NIPSNAP3B: variants seen among roughly 807,000 people sequenced by gnomAD.
NIPSNAP3B encodes the protein nipsnap homolog 3B.
In NIPSNAP3B, 30 loss-of-function variants were observed where a neutral mutation model predicts 31.5. The observed-to-expected ratio is 0.95, with a 90% CI of 0.71 to 1.29. NIPSNAP3B has a LOEUF of 1.29. Among genes scored for constraint, NIPSNAP3B ranks in the 50% most tolerant of loss-of-function variants. NIPSNAP3B has a pLI of 0.00. For missense variants in NIPSNAP3B, 269 were observed against 300.7 expected, an observed-to-expected ratio of 0.89 and a Z score of 0.78; for synonymous variants, 106 against 107.9, an observed-to-expected ratio of 0.98 and a Z score of 0.11.
rs114955285 is a variant in NIPSNAP3B at position 104,771,152 on chromosome 9, T to C, written c.580+154T>C. The C allele has an allele frequency of 2.6e-3, 1,571 of 610,378 alleles. 16 individuals are homozygous for C. In the African/African-American group the frequency reaches 0.026, roughly 10 times the overall value. The allele number at this position is 610,378 out of a possible 1,614,324, so 37.8% of individuals were successfully genotyped here. A position where few individuals can be genotyped will look rare whatever the true frequency, so the allele number is the denominator to read the frequency against. On this transcript the variant is annotated intron_variant, in intron 4 of 5. Coordinates refer to ENST00000374762, the MANE Select transcript of NIPSNAP3B (RefSeq NM_018376.4). ...AAATCTATAAGCATCTTATTTTACA[T>C]CTTATTTTTTTAGAATGTTAATACT...
At chr9:104,788,313 C>G in the NIPSNAP3B span, 1 of 1,435,926 alleles carries the variant, frequency 7.0e-7, no homozygotes, top group Non-Finnish European at 9.7e-7. Context: ...GCATTTTGTG[C>G]TGCTGCATTC....
chr9:104,772,075 C>CT (rs1828233351), intron 4 of NIPSNAP3B, among the ~76,000 whole-genome samples: 1 of 151,804 alleles, frequency 6.6e-6, no homozygotes, highest in African/African-American at 2.4e-5. Flanking sequence ...TAATGGGATT[C>CT]TTTTTTTCTC....
the NIPSNAP3B span, chr9:104,787,834 A>G: frequency 6.2e-7 from 1 of 1,613,380 alleles, no homozygotes; most frequent in South Asian, 1.1e-5. Context: ...CCAATCATAC[A>G]ACAGCCCTGG....
In NIPSNAP3B at chr9:104,764,139, T is replaced by C. The variant is rs1828034729; in HGVS notation, c.-102T>C. The C allele has an allele frequency of 8.9e-7, 1 of 1,121,634 alleles. No homozygotes were observed. The highest frequency in any genetic ancestry group is 2.8e-5 in the East Asian group (1 of 36,252). The allele number at this position is 1,121,634 out of a possible 1,614,324, so 69.5% of individuals were successfully genotyped here. A position where few individuals can be genotyped will look rare whatever the true frequency, so the allele number is the denominator to read the frequency against. On this transcript the variant is annotated 5_prime_UTR_variant, in exon 1 of 6. Coordinates refer to ENST00000374762, the MANE Select transcript of NIPSNAP3B (RefSeq NM_018376.4). Reference sequence around the variant, plus strand: ...CCGCCGAGTCCCGCCCCTGCCTGAGTTCGCCAGTGGTCCAGGAGCCGCTTT... The same window carrying C: ...CCGCCGAGTCCCGCCCCTGCCTGAGCTCGCCAGTGGTCCAGGAGCCGCTTT...
chr9:104,770,299 G>A lies in NIPSNAP3B; in HGVS notation c.431-550G>A, dbSNP rs952782441. On this transcript the variant is annotated intron_variant, in intron 3 of 5. Coordinates refer to ENST00000374762, the MANE Select transcript of NIPSNAP3B (RefSeq NM_018376.4). ...TTTAAGCATTTACCTGGATATTTAGGAAGAATAAAACCATCTCCTTGAGGG... is the reference window on the plus strand; with the variant it reads ...TTTAAGCATTTACCTGGATATTTAGAAAGAATAAAACCATCTCCTTGAGGG... 4.6e-5 allele frequency among the ~76,000 whole-genome samples: 7 copies of A among 152,190 alleles called. No individual in the cohort carries two copies. The South Asian group carries it at 1.5e-3, about 32-fold the overall frequency.
At chr9:104,790,832 T>C in the NIPSNAP3B span, 1 of 914,006 alleles carries the variant, frequency 1.1e-6, no homozygotes, top group African/African-American at 1.6e-5. Context: ...ACTCTAAAAA[T>C]ACCACTGTAA....
At chr9:104,772,463 A>G (rs956131465) in intron 4 of NIPSNAP3B, among the ~76,000 whole-genome samples, 4 of 152,110 alleles carry the variant, frequency 2.6e-5, no homozygotes, top group African/African-American at 4.8e-5. Context: ...GGCAGTTAAG[A>G]TTATACTAAC....
At chr9:104,787,119 G>T in the NIPSNAP3B span, 1 of 659,904 alleles carries the variant, frequency 1.5e-6, no homozygotes, top group Non-Finnish European at 2.5e-6. Context: ...CAAAGAATTA[G>T]AGTAACTTTC....
chr9:104,765,947 A>C (rs899421236), intron 1 of NIPSNAP3B, among the ~76,000 whole-genome samples: 1 of 152,238 alleles, frequency 6.6e-6, no homozygotes, highest in African/African-American at 2.4e-5. Flanking sequence ...GAACTAATAC[A>C]TATGGTATTG....
chr9:104,770,643 AAC>A (rs909574327), intron 3 of NIPSNAP3B, among the ~76,000 whole-genome samples: 1 of 152,186 alleles, frequency 6.6e-6, no homozygotes, highest in African/African-American at 2.4e-5. Flanking sequence ...TAATTTTAAC[AAC>A]TGACCCTTAA....
chr9:104,777,132 A>G lies in NIPSNAP3B; in HGVS notation c.*4059A>G, dbSNP rs1435298795. ...GTATTTGAATTGTATTTTCAGGAAG[A>G]GAAACAGATATGCAACCAATCTGAT... On this transcript the variant is annotated 3_prime_UTR_variant, in exon 6 of 6. Transcript: ENST00000374762. 1 of 152,216 alleles carries G rather than the reference A, an allele frequency of 6.6e-6. No individual in the cohort carries two copies. The highest frequency in any genetic ancestry group is 1.5e-5 in the Non-Finnish European group (1 of 68,028). 9.4% of individuals were successfully genotyped at this position (152,216 alleles called of 1,614,324 possible).
chr9:104,773,117 G>A lies in NIPSNAP3B; in HGVS notation c.*44G>A. 2.5e-6 allele frequency: 4 copies of A among 1,575,056 alleles called. No individual in the cohort carries two copies. Among genetic ancestry groups the A allele is most frequent in the Non-Finnish European group, 3.5e-6 (4 of 1,146,988 alleles). On this transcript the variant is annotated 3_prime_UTR_variant, in exon 6 of 6. Coordinates refer to ENST00000374762, the MANE Select transcript of NIPSNAP3B (RefSeq NM_018376.4). ...AACATTTCATTAACTGCTCTAAGAT[G>A]TGTCTGCTAATGGTGCTTAAATTCT...
chr9:104,785,332 C>A, the NIPSNAP3B span: 1 of 1,601,610 alleles, frequency 6.2e-7, no homozygotes, highest in Non-Finnish European at 8.5e-7. Flanking sequence ...GACCTATGGG[C>A]GGGAGTGTCG....
At chr9:104,766,288 C>A in intron 1 of NIPSNAP3B, 37 bp from the exon 2 acceptor site, 1 of 1,561,260 alleles carries the variant, frequency 6.4e-7, no homozygotes, top group Non-Finnish European at 8.8e-7. Flanking sequence ...GTAATTGTAC[C>A]TTCCCAAGAT....
At chr9:104,781,331 T>C (rs756145267), downstream of NIPSNAP3B, 3 of 152,546 alleles carry the variant, frequency 2.0e-5, no homozygotes, top group Non-Finnish European at 2.9e-5. Flanking sequence ...CTTATGGAAA[T>C]AGAAACATTC....
rs1828284100 is a variant in NIPSNAP3B at position 104,774,058 on chromosome 9, T to C, written c.*985T>C. 6.6e-6 allele frequency: 1 copy of C among 152,246 alleles called. No individual in the cohort carries two copies. The highest frequency in any genetic ancestry group is 1.5e-5 in the Non-Finnish European group (1 of 68,040). 9.4% of individuals were successfully genotyped at this position (152,246 alleles called of 1,614,324 possible). ...GAAACATCTTTCATTTCCATTTTAC[T>C]TGATGCCTCTACCTACTAAAACTAG... On this transcript the variant is annotated 3_prime_UTR_variant, in exon 6 of 6. Coordinates refer to ENST00000374762, the MANE Select transcript of NIPSNAP3B (RefSeq NM_018376.4).
the NIPSNAP3B span, among the ~76,000 whole-genome samples, chr9:104,787,290 CA>C: frequency 6.6e-6 from 1 of 151,510 alleles, no homozygotes; most frequent in Admixed American, 6.6e-5. Context: ...TAAGTATATA[CA>C]AAACAACTTT....
chr9:104,777,980 C>A (rs1293853507), downstream of NIPSNAP3B, among the ~76,000 whole-genome samples: 1 of 152,148 alleles, frequency 6.6e-6, no homozygotes, highest in Non-Finnish European at 1.5e-5. Flanking sequence ...ACATTCCTTA[C>A]TCATCTTCTC....
the NIPSNAP3B span, chr9:104,788,675 C>T: frequency 3.0e-6 from 4 of 1,327,240 alleles, no homozygotes; most frequent in Admixed American, 1.7e-5. Flanking sequence ...ACAAAGATAC[C>T]AATACATCTG....
Sources: allele counts gnomAD v4.1 joint callset (sites outside exome capture counted in the v4.1 genomes callset), GRCh38; gene constraint gnomAD v4.1.1; transcripts MANE v1.5; gene names NCBI Gene and HGNC (gene_info 2026-07-23, HGNC 2026-07-21).